Variants in CSMD3 observed in about 807,000 individuals in gnomAD.
CSMD3 encodes the protein CUB and Sushi multiple domains 3, also known as CUB and sushi domain-containing protein 3.
In CSMD3, 177 loss-of-function variants were observed where a neutral mutation model predicts 435.2. That is an observed-to-expected ratio of 0.41 (90% CI 0.36 to 0.46). The LOEUF is 0.46. Ranked by LOEUF, CSMD3 falls within the 20% of genes least tolerant of loss-of-function variation. The pLI is 0.34. For synonymous variants in CSMD3, 1,656 were observed against 1,520.5 expected (o/e 1.09, Z -2.07); for missense variants, 4,265 against 4,504.6 (o/e 0.95, Z 1.52).
At chr8:113,185,106 C>T (rs1012255286) in intron 3 of CSMD3, among the ~76,000 whole-genome samples, 1 of 152,008 alleles carries the variant, frequency 6.6e-6, no homozygotes, top group East Asian at 1.9e-4. Flanking sequence ...CCATTTTTAA[C>T]ACCAGGCAAT....
chr8:112,717,817 A>G (rs1019754177), intron 13 of CSMD3, among the ~76,000 whole-genome samples: 1 of 152,176 alleles, frequency 6.6e-6, no homozygotes, highest in African/African-American at 2.4e-5. Flanking sequence ...AAGGAACAGA[A>G]AACCAAACAC....
intron 10 of CSMD3, among the ~76,000 whole-genome samples, chr8:112,859,823 A>G (rs1288197631): frequency 6.6e-6 from 1 of 151,522 alleles, no homozygotes; most frequent in African/African-American, 2.4e-5. Flanking sequence ...GCATTTTCTC[A>G]GTTTTCTAAC....
At chr8:113,285,700 T>C (rs890374784) in intron 2 of CSMD3, among the ~76,000 whole-genome samples, 12 of 152,186 alleles carry the variant, frequency 7.9e-5, no homozygotes, top group Non-Finnish European at 1.5e-4. Flanking sequence ...AGGCAGATAT[T>C]TTTAATATGT....
At chr8:112,567,306 A>G (rs1829140016) in intron 24 of CSMD3, among the ~76,000 whole-genome samples, 1 of 152,160 alleles carries the variant, frequency 6.6e-6, no homozygotes, top group African/African-American at 2.4e-5. Context: ...TGAACAAATT[A>G]GCTAAAGTGG....
chr8:113,223,406 T>C (rs2092992022), intron 3 of CSMD3, among the ~76,000 whole-genome samples: 1 of 150,620 alleles, frequency 6.6e-6, no homozygotes, highest in Non-Finnish European at 1.5e-5. Context: ...CTTCGTTTCC[T>C]AGTTTCTTTA....
chr8:112,680,280 C>T (rs148449736), intron 16 of CSMD3, among the ~76,000 whole-genome samples: 2,686 of 152,244 alleles, frequency 0.018, 40 homozygotes, highest in Non-Finnish European at 0.027. Context: ...ATCTCTTGAA[C>T]CCGGGCGGCG....
At chr8:113,313,038 TC>T (rs2132661050) in intron 2 of CSMD3, 1 of 152,350 alleles carries the variant, frequency 6.6e-6, no homozygotes, top group Non-Finnish European at 1.5e-5. Flanking sequence ...TTAAGTGTCA[TC>T]TGACTGGAAG....
At chr8:113,185,546 T>G (rs2092485865) in intron 3 of CSMD3, among the ~76,000 whole-genome samples, 1 of 152,038 alleles carries the variant, frequency 6.6e-6, no homozygotes, top group African/African-American at 2.4e-5. Context: ...CAGCCCTTCA[T>G]GCTTTCATCT....
chr8:113,215,417 C>G (rs2092892047), intron 3 of CSMD3, among the ~76,000 whole-genome samples: 3 of 151,894 alleles, frequency 2.0e-5, no homozygotes, highest in African/African-American at 7.2e-5. Context: ...CTTTCTTAGG[C>G]TGGTGGACCA....
At chr8:112,719,669 T>C (rs964327150) in intron 13 of CSMD3, among the ~76,000 whole-genome samples, 2 of 152,012 alleles carry the variant, frequency 1.3e-5, no homozygotes, top group East Asian at 3.9e-4. Flanking sequence ...GGCTTTAACA[T>C]ATGAATTTTA....
intron 40 of CSMD3, among the ~76,000 whole-genome samples, chr8:112,346,686 TTTTTTTTTTTTG>T (rs1322203522): frequency 5.2e-5 from 4 of 77,298 alleles, no homozygotes; most frequent in East Asian, 4.0e-4. Context: ...TTTTTTTTTT[TTTTTTTTTTTTG>T]GAGAAGGAGT....
intron 13 of CSMD3, among the ~76,000 whole-genome samples, chr8:112,697,054 G>A (rs7838178): frequency 0.31 from 43,896 of 143,778 alleles, 6,499 homozygotes; most frequent in African/African-American, 0.46. Context: ...TTAGAATGGT[G>A]ATCATTAAAA....
chr8:112,887,060 C>T (rs888158719), intron 10 of CSMD3, among the ~76,000 whole-genome samples: 1 of 151,596 alleles, frequency 6.6e-6, no homozygotes, highest in Admixed American at 6.6e-5. Context: ...CTGAATCTCT[C>T]TGTACCTCAG....
chr8:113,245,379 A>C (rs1337807767), intron 3 of CSMD3, among the ~76,000 whole-genome samples: 1 of 151,868 alleles, frequency 6.6e-6, no homozygotes, highest in Non-Finnish European at 1.5e-5. Flanking sequence ...TATATGTCCT[A>C]TTATATCATT....
At chr8:112,612,069 A>G (rs1343201463) in intron 22 of CSMD3, among the ~76,000 whole-genome samples, 1 of 152,148 alleles carries the variant, frequency 6.6e-6, no homozygotes, top group African/African-American at 2.4e-5. Context: ...GAAATAACCA[A>G]TTTTACCTAT....
At chr8:112,878,921 C>T (rs556555054) in intron 10 of CSMD3, among the ~76,000 whole-genome samples, 5 of 152,222 alleles carry the variant, frequency 3.3e-5, no homozygotes, top group Non-Finnish European at 7.4e-5. Context: ...ATCCCGTTAT[C>T]TTCGTAAGCT....
chr8:113,153,603 C>T (rs1425128222), intron 4 of CSMD3, among the ~76,000 whole-genome samples: 1 of 151,950 alleles, frequency 6.6e-6, no homozygotes, highest in Non-Finnish European at 1.5e-5. Flanking sequence ...TTCAGTTCAA[C>T]ATAAGAGAGG....
chr8:112,326,472 C>A (rs1454621054), intron 45 of CSMD3, among the ~76,000 whole-genome samples: 1 of 152,096 alleles, frequency 6.6e-6, no homozygotes, highest in African/African-American at 2.4e-5. Flanking sequence ...GTAAAATAGA[C>A]ATAAAGCCAA....
intron 3 of CSMD3, among the ~76,000 whole-genome samples, chr8:113,274,173 C>T (rs771841919): frequency 6.6e-6 from 1 of 151,850 alleles, no homozygotes; most frequent in Non-Finnish European, 1.5e-5. Context: ...TCCAAGCACA[C>T]AGAATTGTTA....
Sources: gnomAD v4.1 joint callset for allele counts (sites outside exome capture counted in the v4.1 genomes callset) on GRCh38, gnomAD v4.1.1 for gene constraint, MANE v1.5 for transcripts, NCBI Gene and HGNC (gene_info 2026-07-23, HGNC 2026-07-21) for gene names.